The following MYO7B variants were observed in gnomAD, a reference collection of about 807,000 sequenced individuals.
The protein encoded by MYO7B is unconventional myosin-VIIb.
A neutral mutation model predicts 259.7 loss-of-function variants in MYO7B; 212 were observed. That is an observed-to-expected ratio of 0.82 (90% CI 0.73 to 0.91). The LOEUF is 0.91. Ranked by LOEUF, MYO7B falls within the 40% of genes least tolerant of loss-of-function variation. The probability of loss-of-function intolerance (pLI) is 0.00; values close to 1 mark genes in which losing one functional copy is unlikely to be tolerated. For missense variants in MYO7B, 2,732 were observed against 2,813.5 expected, an observed-to-expected ratio of 0.97 and a Z score of 0.66; for synonymous variants, 1,197 against 1,166.4, an observed-to-expected ratio of 1.03 and a Z score of -0.54.
At chr2:127,593,666 C>A in intron 18 of MYO7B, 22 bp downstream of exon 18, 1 of 1,606,940 alleles carries the variant, frequency 6.2e-7, no homozygotes, top group South Asian at 1.1e-5. Flanking sequence ...AGGAACCAGC[C>A]AGCTGTCGGC....
At position 127,627,736 on chromosome 2, in the gene MYO7B, G is replaced by A. The variant is rs1171238217; in HGVS notation, c.4460+426G>A. On this transcript the variant is annotated intron_variant, in intron 33 of 47. Transcript: ENST00000409816. This position sits in a 1 kb window ranked among gnomAD's most constrained non-coding sequence, Gnocchi z 5.6. ...CAGGGCAGGGCTGGGGGTCCTCTTA[G>A]GCTGGGGCTGACCCCCACTCCCATG... 2.2e-6 allele frequency: 1 copy of A among 459,166 alleles called. No homozygotes were observed. Among genetic ancestry groups the A allele is most frequent in the African/African-American group, 2.0e-5 (1 of 50,186 alleles). 28.4% of individuals were successfully genotyped at this position (459,166 alleles called of 1,614,324 possible). A position where few individuals can be genotyped will look rare whatever the true frequency, so the allele number is the denominator to read the frequency against.
At position 127,615,737 on chromosome 2, in the gene MYO7B, T is replaced by TG. The variant is rs1680544810; in HGVS notation, c.3398+3134_3398+3135insG. The stretch of plus-strand genomic sequence containing the variant: ...GCTCATATAGCCTCCAGTGGTATAC[T>TG]AGATCACGACTCTCACTCTTTCGGC... On this transcript the variant is annotated intron_variant, in intron 26 of 47. Transcript: ENST00000409816. The surrounding 1 kb of genome is among the most constrained non-coding windows in gnomAD (Gnocchi z 4.4). Among the ~76,000 whole-genome samples, 1 of 151,952 alleles carries TG rather than the reference T, an allele frequency of 6.6e-6. No individual in the cohort carries two copies. Among genetic ancestry groups the TG allele is most frequent in the African/African-American group, 2.4e-5 (1 of 41,336 alleles).
At position 127,584,612 on chromosome 2, in the gene MYO7B, C is replaced by T. The variant is rs932143901; in HGVS notation, c.1555-166C>T. 6.6e-6 allele frequency among the ~76,000 whole-genome samples: 1 copy of T among 152,160 alleles called. No homozygotes were observed. The highest frequency in any genetic ancestry group is 2.4e-5 in the African/African-American group (1 of 41,422). ...CTCTGCTCCCAGCTCAGCCCTCACT[C>T]CCTGCAACAAGTCACTGACCCCTGG... On this transcript the variant is annotated intron_variant, in intron 13 of 47. Coordinates refer to ENST00000409816, the MANE Select transcript of MYO7B (RefSeq NM_001393586.1). The surrounding 1 kb of genome is among the most constrained non-coding windows in gnomAD (Gnocchi z 5.8).
In MYO7B at chr2:127,585,030, A is replaced by AT; in HGVS notation, c.1690+118dup. ...GCAGCTCTAGCAATGGGGCAGAGGG[A>AT]TGAGTAGTATGGCTTCTACTGGAGA... is the stretch of plus-strand genomic sequence containing the variant. On this transcript the variant is annotated intron_variant, in intron 14 of 47. Transcript: ENST00000409816. The surrounding 1 kb of genome is among the most constrained non-coding windows in gnomAD (Gnocchi z 4.3). 1 of 1,310,936 alleles carries AT rather than the reference A, an allele frequency of 7.6e-7. No homozygotes were observed. The highest frequency in any genetic ancestry group is 1.4e-5 in the South Asian group (1 of 72,770). 81.2% of individuals were successfully genotyped at this position (1,310,936 alleles called of 1,614,324 possible).
chr2:127,540,169 A>ATT (rs1289905764), intron 1 of MYO7B, among the ~76,000 whole-genome samples: 16,095 of 147,550 alleles, frequency 0.11, 1,164 homozygotes, highest in East Asian at 0.26. Flanking sequence ...TTCTGGTTTT[A>ATT]TTTTTTTTTT....
At chr2:127,552,987 T>G (rs1056841583) in intron 1 of MYO7B, among the ~76,000 whole-genome samples, 1 of 150,100 alleles carries the variant, frequency 6.7e-6, no homozygotes, top group Non-Finnish European at 1.5e-5. Context: ...GTCTCAGCAT[T>G]TCTCAGCATT....
At chr2:127,582,533 C>T in intron 12 of MYO7B, 87 bp downstream of exon 12, 1 of 1,484,954 alleles carries the variant, frequency 6.7e-7, no homozygotes. Flanking sequence ...TGGAGGGGAG[C>T]CGTCACCCTG....
rs375698885 is a variant in MYO7B, at chr2:127,546,891, A to G, written c.-24+11060A>G. 6.6e-6 allele frequency among the ~76,000 whole-genome samples: 1 copy of G among 151,090 alleles called. No homozygotes were observed. The highest frequency in any genetic ancestry group is 2.4e-5 in the African/African-American group (1 of 40,976). Reference sequence around the variant, plus strand: ...ACCCAATCCAACCATTAATCCATCCACCATCCATCTATCCACCCACCCACC... The same window carrying G: ...ACCCAATCCAACCATTAATCCATCCGCCATCCATCTATCCACCCACCCACC... On this transcript the variant is annotated intron_variant, in intron 1 of 47. Transcript: ENST00000409816. This position sits in a 1 kb window ranked among gnomAD's most constrained non-coding sequence, Gnocchi z 4.2.
chr2:127,542,060 G>A (rs1359120282), intron 1 of MYO7B, among the ~76,000 whole-genome samples: 2 of 152,286 alleles, frequency 1.3e-5, no homozygotes, highest in Non-Finnish European at 2.9e-5. Context: ...GAAGAGGAGG[G>A]AGCCCTCATG....
Position 127,636,040 on chromosome 2 carries a change from C to T in MYO7B, c.6006+133C>T, listed in dbSNP as rs1681783508. ...TGGTGTGGAGGGTGGGCTGGCTCTG[C>T]ACACACCACGCCTTCCTATGCCATC... On this transcript the variant is annotated intron_variant, in intron 44 of 47. Transcript: ENST00000409816. This position sits in a 1 kb window ranked among gnomAD's most constrained non-coding sequence, Gnocchi z 4.5. The T allele has an allele frequency of 1.7e-6, 2 of 1,185,528 alleles. No homozygotes were observed. Among genetic ancestry groups the T allele is most frequent in the Non-Finnish European group, 2.4e-6 (2 of 845,698 alleles). The allele number at this position is 1,185,528 out of a possible 1,614,324, so 73.4% of individuals were successfully genotyped here.
rs1052678078 is a variant in MYO7B, at chr2:127,539,762, A to AT, written c.-24+3938dup. On this transcript the variant is annotated intron_variant, in intron 1 of 47. Coordinates refer to ENST00000409816, the MANE Select transcript of MYO7B (RefSeq NM_001393586.1). The surrounding 1 kb of genome is among the most constrained non-coding windows in gnomAD (Gnocchi z 4.0). ...AAGTTCTTCAGTGGTGATTTGTGAG[A>AT]TTTTTTTGCACCTATCACCACAGCA... is the stretch of plus-strand genomic sequence containing the variant. 1.3e-5 allele frequency among the ~76,000 whole-genome samples: 2 copies of AT among 151,840 alleles called. No homozygotes were observed. Among genetic ancestry groups the AT allele is most frequent in the Non-Finnish European group, 2.9e-5 (2 of 67,970 alleles).
chr2:127,606,116 A>C (rs758011837), intron 20 of MYO7B, among the ~76,000 whole-genome samples, 188 bp downstream of exon 20: 7 of 152,232 alleles, frequency 4.6e-5, no homozygotes, highest in Non-Finnish European at 1.0e-4. Context: ...TTCTTAGCAT[A>C]ATCTCTGGCC....
chr2:127,574,012 G>GGC lies in MYO7B; in HGVS notation c.692_693dup (p.Ile232AlafsTer32). 6.2e-7 allele frequency: 1 copy of GGC among 1,614,026 alleles called. No individual in the cohort carries two copies. Among genetic ancestry groups the GGC allele is most frequent in the Non-Finnish European group, 8.5e-7 (1 of 1,179,898 alleles). ...CTTTAACCCCAGCGGGGTGATCGAG[G>GGC]GCGCGCGCATCGAGCAATTTCTCCT... On this transcript the variant is annotated frameshift_variant, in exon 7 of 48. Coordinates refer to ENST00000409816, the MANE Select transcript of MYO7B (RefSeq NM_001393586.1). LOFTEE classifies it high-confidence loss of function.
Position 127,546,158 on chromosome 2 carries a change from G to C in MYO7B, c.-24+10327G>C, listed in dbSNP as rs1157858184. Among the ~76,000 whole-genome samples the C allele has an allele frequency of 6.6e-6, 1 of 152,184 alleles. No homozygotes were observed. Among genetic ancestry groups the C allele is most frequent in the African/African-American group, 2.4e-5 (1 of 41,446 alleles). On this transcript the variant is annotated intron_variant, in intron 1 of 47. Coordinates refer to ENST00000409816, the MANE Select transcript of MYO7B (RefSeq NM_001393586.1). The surrounding 1 kb of genome is among the most constrained non-coding windows in gnomAD (Gnocchi z 4.2). Reference sequence around the variant, plus strand: ...GCCCTTTCTGCCCAAAGAACACTCAGACCCCTTTGGAGGGCAAAGCTTTGT... The same window carrying C: ...GCCCTTTCTGCCCAAAGAACACTCACACCCCTTTGGAGGGCAAAGCTTTGT...
intron 2 of MYO7B, among the ~76,000 whole-genome samples, chr2:127,561,890 C>A (rs1029137567): frequency 3.3e-5 from 5 of 152,116 alleles, no homozygotes; most frequent in South Asian, 4.1e-4. Flanking sequence ...GGTCAAGGTG[C>A]CTTTAGGGTT....
intron 4 of MYO7B, among the ~76,000 whole-genome samples, chr2:127,566,311 G>A (rs964463391): frequency 1.3e-5 from 2 of 152,346 alleles, no homozygotes; most frequent in African/African-American, 2.4e-5. Context: ...AAGCCCCTGC[G>A]GGATGCAGGT....
chr2:127,542,431 C>T (rs974089429), intron 1 of MYO7B, among the ~76,000 whole-genome samples: 3 of 152,172 alleles, frequency 2.0e-5, no homozygotes, highest in Non-Finnish European at 4.4e-5. Flanking sequence ...TCTGTTGGGC[C>T]CTCCCATGGC....
At chr2:127,633,412 C>CTG in intron 40 of MYO7B, 49 bp downstream of exon 40, 1 of 1,566,886 alleles carries the variant, frequency 6.4e-7, no homozygotes, top group Non-Finnish European at 8.7e-7. Context: ...CTCCAGAGGC[C>CTG]ATGGGGCATC....
rs1679804875 is a variant in MYO7B at position 127,597,206 on chromosome 2, A to G, written c.2339+650A>G. On this transcript the variant is annotated intron_variant, in intron 19 of 47. Transcript: ENST00000409816. The surrounding 1 kb of genome is among the most constrained non-coding windows in gnomAD (Gnocchi z 4.8). The stretch of plus-strand genomic sequence containing the variant: ...ACCCTGGTGCTGCTGATCTCAGGAC[A>G]ACAGGCCGCATCTGACCAAACAGGC... Among the ~76,000 whole-genome samples the G allele has an allele frequency of 6.6e-6, 1 of 152,260 alleles. No homozygotes were observed.
Sources: gnomAD v4.1 joint callset for allele counts (sites outside exome capture counted in the v4.1 genomes callset) on GRCh38, gnomAD v4.1.1 for gene constraint, Gnocchi (gnomAD v3.1) non-coding constraint, MANE v1.5 for transcripts, NCBI Gene and HGNC (gene_info 2026-07-23, HGNC 2026-07-21) for gene names.